Variants in STK32B observed in about 807,000 individuals in gnomAD.
The protein encoded by STK32B is serine/threonine-protein kinase 32B.
In STK32B, 43 loss-of-function variants were observed where a neutral mutation model predicts 52.6. That is an observed-to-expected ratio of 0.82 (90% CI 0.64 to 1.05). The LOEUF is 1.05. Among genes scored for constraint, STK32B ranks in the 50% least tolerant of loss-of-function variants. The pLI is 0.00. For synonymous variants in STK32B, 238 were observed against 204.3 expected (o/e 1.17, Z -1.41); for missense variants, 621 against 534.6 (o/e 1.16, Z -1.59).
chr4:5,099,462 A>G (rs1713600557), intron 1 of STK32B, among the ~76,000 whole-genome samples: 3 of 30,404 alleles, frequency 9.9e-5, no homozygotes, highest in South Asian at 6.2e-4. Context: ...GCGCGCGCGT[A>G]TGTGATGTGT....
At chr4:5,413,887 A>G (rs907562617) in intron 5 of STK32B, among the ~76,000 whole-genome samples, 1 of 152,246 alleles carries the variant, frequency 6.6e-6, no homozygotes, top group Admixed American at 6.5e-5. Context: ...ACACATGCTC[A>G]TATTCTGTTT....
intron 9 of STK32B, among the ~76,000 whole-genome samples, chr4:5,461,758 C>T (rs1480245066): frequency 6.6e-6 from 1 of 152,212 alleles, no homozygotes; most frequent in Non-Finnish European, 1.5e-5. Context: ...GGGCTTCGTC[C>T]TTCATTCTTC....
intron 4 of STK32B, among the ~76,000 whole-genome samples, chr4:5,377,443 A>C (rs984898227): frequency 1.3e-5 from 2 of 151,624 alleles, no homozygotes; most frequent in African/African-American, 2.4e-5. Context: ...GCGCCTTCTT[A>C]CTCTTTTTGT....
At chr4:5,178,098 C>G (rs1720068427) in intron 3 of STK32B, among the ~76,000 whole-genome samples, 1 of 152,350 alleles carries the variant, frequency 6.6e-6, no homozygotes, top group Admixed American at 6.5e-5. Context: ...CTGCATTGCC[C>G]TAGCAGAGGT....
chr4:5,189,308 AT>A (rs1468160721), intron 3 of STK32B, among the ~76,000 whole-genome samples: 1 of 152,148 alleles, frequency 6.6e-6, no homozygotes, highest in Non-Finnish European at 1.5e-5. Flanking sequence ...TGATCCACTG[AT>A]TCATCCCTCG....
At chr4:5,282,186 T>C (rs1344184213) in intron 3 of STK32B, among the ~76,000 whole-genome samples, 1 of 152,186 alleles carries the variant, frequency 6.6e-6, no homozygotes, top group Non-Finnish European at 1.5e-5. Flanking sequence ...CCCTAGCAGA[T>C]ACCTGAAACT....
At chr4:5,191,814 A>G (rs938118928) in intron 3 of STK32B, among the ~76,000 whole-genome samples, 1 of 152,204 alleles carries the variant, frequency 6.6e-6, no homozygotes, top group Admixed American at 6.5e-5. Flanking sequence ...ATAAATTGCA[A>G]TTTGTAGAAT....
chr4:5,414,133 T>C (rs1003073130), intron 5 of STK32B, among the ~76,000 whole-genome samples: 2 of 152,160 alleles, frequency 1.3e-5, no homozygotes, highest in Non-Finnish European at 2.9e-5. Flanking sequence ...GATACAGACA[T>C]CCTATGGAAT....
At chr4:5,218,975 C>T (rs1334714968) in intron 3 of STK32B, among the ~76,000 whole-genome samples, 1 of 152,124 alleles carries the variant, frequency 6.6e-6, no homozygotes, top group Non-Finnish European at 1.5e-5. Context: ...GACTCATATT[C>T]CCAATGCTGC....
At chr4:5,410,941 C>T (rs1711605164) in intron 5 of STK32B, among the ~76,000 whole-genome samples, 1 of 152,062 alleles carries the variant, frequency 6.6e-6, no homozygotes. Flanking sequence ...GTAGTTGCGT[C>T]CTCTCATGGC....
chr4:5,326,666 GC>G (rs1731897044), intron 3 of STK32B, among the ~76,000 whole-genome samples: 2 of 152,156 alleles, frequency 1.3e-5, no homozygotes, highest in South Asian at 2.1e-4. Context: ...TAGCTACAAT[GC>G]TAACACTCAT....
chr4:5,023,986 G>A, the STK32B span, among the ~76,000 whole-genome samples: 1 of 152,204 alleles, frequency 6.6e-6, no homozygotes. Flanking sequence ...AATTCAGCAT[G>A]AGACACCAAA....
intron 1 of STK32B, among the ~76,000 whole-genome samples, chr4:5,072,259 T>C (rs1391495458): frequency 6.6e-6 from 1 of 152,142 alleles, no homozygotes; most frequent in Non-Finnish European, 1.5e-5. Flanking sequence ...AGACTCAAAA[T>C]TTTAATTGGC....
chr4:5,233,545 G>C (rs1415521517), intron 3 of STK32B, among the ~76,000 whole-genome samples: 1 of 152,018 alleles, frequency 6.6e-6, no homozygotes, highest in African/African-American at 2.4e-5. Flanking sequence ...AGAAGGATAG[G>C]AGCTGTGAAG....
chr4:5,361,873 ATAT>A (rs1361670379), intron 4 of STK32B, among the ~76,000 whole-genome samples: 1 of 152,230 alleles, frequency 6.6e-6, no homozygotes, highest in Non-Finnish European at 1.5e-5. Context: ...ATGGCTACAA[ATAT>A]TAATATCATG....
chr4:5,444,176 A>T (rs1478079933), intron 6 of STK32B, among the ~76,000 whole-genome samples: 1 of 152,140 alleles, frequency 6.6e-6, no homozygotes, highest in Non-Finnish European at 1.5e-5. Flanking sequence ...AAGCCTGGGC[A>T]ATGGCGGGCG....
At chr4:5,144,806 ATCCATCCATCCATCCATCCATCC>A in intron 2 of STK32B, among the ~76,000 whole-genome samples, 1 of 152,124 alleles carries the variant, frequency 6.6e-6, no homozygotes, top group African/African-American at 2.4e-5. Flanking sequence ...CCATCCATCC[ATCCATCCATCCATCCATCCATCC>A]ATCCAACATA....
intron 3 of STK32B, among the ~76,000 whole-genome samples, chr4:5,317,247 TATATAAC>T (rs1175422612): frequency 2.6e-5 from 1 of 39,046 alleles, no homozygotes; most frequent in Non-Finnish European, 3.6e-5. Flanking sequence ...ATATATATTA[TATATAAC>T]ATATAACATA....
intron 2 of STK32B, among the ~76,000 whole-genome samples, chr4:5,150,761 C>G (rs551701604): frequency 5.3e-5 from 8 of 152,288 alleles, no homozygotes; most frequent in African/African-American, 1.9e-4. Context: ...TCTTGGATTT[C>G]TCAGAAAGAG....
Sources: allele counts gnomAD v4.1 joint callset (sites outside exome capture counted in the v4.1 genomes callset), GRCh38; gene constraint gnomAD v4.1.1; transcripts MANE v1.5; gene names NCBI Gene and HGNC (gene_info 2026-07-23, HGNC 2026-07-21).